ZBP1: variants seen among roughly 807,000 people sequenced by gnomAD.
ZBP1 encodes Z-DNA binding protein 1.
ZBP1 carries 42 observed loss-of-function variants against 41.1 expected under a neutral mutation model. The ratio of observed to expected loss-of-function variants is 1.02; its 90% CI spans 0.80 to 1.32. The LOEUF (loss-of-function observed/expected upper bound fraction) is 1.32, where lower values mean the gene tolerates loss of function less well. ZBP1 is among the 40% of genes most tolerant of loss of function. The pLI is 0.00. For missense variants in ZBP1, 562 were observed against 549.7 expected (o/e 1.02, Z -0.22); for synonymous variants, 214 against 205.2 (o/e 1.04, Z -0.37).
chr20:57,607,283 C>G, intron 7 of ZBP1: 3 of 1,299,930 alleles, frequency 2.3e-6, no homozygotes, highest in Non-Finnish European at 3.0e-6. Flanking sequence ...GGGTTCAAGA[C>G]TTCAGTGAAG....
In ZBP1 at chr20:57,603,936, C is replaced by T. The variant is rs531691881; in HGVS notation, c.*637G>A. 27 of 170,192 alleles carry T rather than the reference C, an allele frequency of 1.6e-4. No individual in the cohort carries two copies. In the South Asian group the frequency reaches 3.1e-3, roughly 19 times the overall value. The allele number at this position is 170,192 out of a possible 1,614,324, so 10.5% of individuals were successfully genotyped here. On this transcript the variant is annotated 3_prime_UTR_variant, in exon 8 of 8. Transcript: ENST00000371173. This position sits in a 1 kb window ranked among gnomAD's most constrained non-coding sequence, Gnocchi z 4.6. ...AGCCTGGAGTGCAGTGGCGCGATCT[C>T]GGCTCACTGGAAGCTCCACCTCCCG...
chr20:57,608,103 C>A (rs145347124), intron 7 of ZBP1, among the ~76,000 whole-genome samples: 377 of 150,928 alleles, frequency 2.5e-3, no homozygotes, highest in Middle Eastern at 0.014. Context: ...CAGGATGTTG[C>A]AGGGCAAATC....
intron 7 of ZBP1, among the ~76,000 whole-genome samples, chr20:57,605,660 C>T (rs890909457): frequency 9.9e-5 from 15 of 152,162 alleles, no homozygotes; most frequent in Admixed American, 7.9e-4. Context: ...ATGGGCCGGG[C>T]GCCGTGGGTC....
At chr20:57,616,504 A>G (rs932400953) in intron 1 of ZBP1, 36 bp from the exon 2 acceptor site, 2 of 1,606,346 alleles carry the variant, frequency 1.2e-6, no homozygotes, top group South Asian at 1.1e-5. Flanking sequence ...AGGGGAACTG[A>G]GTCTCCCAGG....
At chr20:57,607,368 G>T in intron 7 of ZBP1, 5 of 1,229,192 alleles carry the variant, frequency 4.1e-6, no homozygotes, top group Non-Finnish European at 5.2e-6. Context: ...GGACTGAATT[G>T]CTGCAATCTC....
At position 57,607,450 on chromosome 20, in the gene ZBP1, A is replaced by G. The variant is rs114613270; in HGVS notation, c.1094-2681T>C. ...AAAGTGGTTTCTTGAGATGGCATCT[A>G]TTCCTGGTGAAGATACTGCGAACAT... is the stretch of plus-strand genomic sequence containing the variant. On this transcript the variant is annotated intron_variant, in intron 7 of 7. Coordinates refer to ENST00000371173, the MANE Select transcript of ZBP1 (RefSeq NM_030776.3). 1,051 of 1,074,204 alleles carry G rather than the reference A, an allele frequency of 9.8e-4. 8 individuals carry two copies. In the African/African-American group the frequency reaches 0.015, roughly 15 times the overall value. The allele number at this position is 1,074,204 out of a possible 1,614,324, so 66.5% of individuals were successfully genotyped here. A position where few individuals can be genotyped will look rare whatever the true frequency, so the allele number is the denominator to read the frequency against.
rs61749015 is a variant in ZBP1 at position 57,610,185 on chromosome 20, C to T, written c.1057G>A (p.Ala353Thr). 1.8e-3 allele frequency: 2,837 copies of T among 1,614,114 alleles called. 53 individuals are homozygous for T. The African/African-American group carries it at 0.033, about 19-fold the overall frequency. The change falls in exon 7 of 8, where the codon GCA (alanine) becomes ACA (threonine). Residue 353 changes from alanine to threonine, a missense_variant. Transcript: ENST00000371173. The surrounding 1 kb of genome is among the most constrained non-coding windows in gnomAD (Gnocchi z 5.5). Reference protein sequence around the residue: ...SPGVAGPGGVAGSGEGEPGED... With the variant: ...SPGVAGPGGVTGSGEGEPGED... ...CCTGGCTCCCCCTCTCCAGACCCTG[C>T]GACTCCTCCTGGGCCAGCCACCCCT... is the stretch of plus-strand genomic sequence containing the variant.
chr20:57,608,331 C>G (rs1007088846), intron 7 of ZBP1, among the ~76,000 whole-genome samples: 3 of 152,172 alleles, frequency 2.0e-5, no homozygotes, highest in African/African-American at 7.2e-5. Context: ...ACCGTGTTAG[C>G]CAGGATGGTC....
In ZBP1 at chr20:57,610,475, C is replaced by T. The variant is rs2070631394; in HGVS notation, c.875-108G>A. ...TCCTCCCCAGATCTCCCACCAGTGG[C>T]CCACACCATCCCAGGAGCACAGCCT... On this transcript the variant is annotated intron_variant, in intron 6 of 7. Transcript: ENST00000371173. The surrounding 1 kb of genome is among the most constrained non-coding windows in gnomAD (Gnocchi z 5.5). 4 of 1,137,496 alleles carry T rather than the reference C, an allele frequency of 3.5e-6. No homozygotes were observed. Among genetic ancestry groups the T allele is most frequent in the Admixed American group, 2.0e-5 (1 of 50,874 alleles). 70.5% of individuals were successfully genotyped at this position (1,137,496 alleles called of 1,614,324 possible). A position where few individuals can be genotyped will look rare whatever the true frequency, so the allele number is the denominator to read the frequency against.
intron 3 of ZBP1, 102 bp downstream of exon 3, chr20:57,615,410 C>CCCA: frequency 7.8e-7 from 1 of 1,275,878 alleles, no homozygotes; most frequent in East Asian, 2.3e-5. Context: ...TGGGACAGGG[C>CCCA]CCCTGAACAC....
chr20:57,616,645 C>T (rs2070842044), intron 1 of ZBP1, 177 bp from the exon 2 acceptor site: 3 of 641,016 alleles, frequency 4.7e-6, no homozygotes, highest in African/African-American at 3.7e-5. Context: ...GCTGCATCTG[C>T]CCAGAGGGAG....
intron 3 of ZBP1, 86 bp downstream of exon 3, chr20:57,615,426 A>G: frequency 7.0e-7 from 1 of 1,435,026 alleles, no homozygotes; most frequent in Non-Finnish European, 9.8e-7. Flanking sequence ...AACACTGGTG[A>G]GATCTTGTAC....
chr20:57,616,814 C>T (rs563864500), intron 1 of ZBP1: 109 of 301,608 alleles, frequency 3.6e-4, no homozygotes, highest in African/African-American at 1.5e-3. Context: ...GGCAGAAGGA[C>T]GGAGCCAGAG....
chr20:57,606,210 A>G (rs2070493122), intron 7 of ZBP1, among the ~76,000 whole-genome samples: 1 of 152,248 alleles, frequency 6.6e-6, no homozygotes, highest in South Asian at 2.1e-4. Context: ...GTGTGGAGAA[A>G]GTTTTAGTGG....
At chr20:57,615,442 A>G (rs573185952) in intron 3 of ZBP1, 70 bp downstream of exon 3, 10 of 1,536,006 alleles carry the variant, frequency 6.5e-6, no homozygotes, top group South Asian at 5.6e-5. Flanking sequence ...TGTACCCTCA[A>G]GGAGGGCCTG....
At position 57,616,349 on chromosome 20, in the gene ZBP1, T is replaced by C. The variant is rs768755972; in HGVS notation, c.154A>G (p.Met52Val). The change falls in exon 2 of 8, where the codon ATG becomes GTG. Residue 52 changes from methionine to valine, a missense_variant. By Grantham distance (21) the Met-to-Val change is conservative. Transcript: ENST00000371173. ...KRELNQVLYR[M>V]KKELKVSLTS... The stretch of plus-strand genomic sequence containing the variant: ...AGGGAGACTTTCAACTCCTTTTTCA[T>C]TCGGTAGAGGACTTGGTTGAGCTCC... The C allele has an allele frequency of 1.9e-6, 3 of 1,614,180 alleles. No individual in the cohort carries two copies. The East Asian group carries it at 6.7e-5, about 36-fold the overall frequency.
chr20:57,610,431 C>T lies in ZBP1; in HGVS notation c.875-64G>A. On this transcript the variant is annotated intron_variant, in intron 6 of 7. Transcript: ENST00000371173. This position sits in a 1 kb window ranked among gnomAD's most constrained non-coding sequence, Gnocchi z 5.5. ...GCTGGACAGTGGCCGGGAACCCTGA[C>T]CCCCAGCCTGGTTCACCCTCCTCCC... 6.4e-7 allele frequency: 1 copy of T among 1,566,138 alleles called. No homozygotes were observed. Among genetic ancestry groups the T allele is most frequent in the Non-Finnish European group, 8.8e-7 (1 of 1,140,294 alleles).
chr20:57,611,339 G>A (rs544374874), intron 6 of ZBP1, among the ~76,000 whole-genome samples: 4 of 151,276 alleles, frequency 2.6e-5, no homozygotes, highest in Non-Finnish European at 4.4e-5. Flanking sequence ...CTGCCTCCCA[G>A]GTTCAAGCAA....
intron 5 of ZBP1, chr20:57,612,795 G>A (rs918429717): frequency 1.6e-5 from 10 of 639,328 alleles, no homozygotes; most frequent in African/African-American, 3.8e-5. Context: ...GTAGCATTCC[G>A]CGGAGGGAAA....
Sources: gnomAD v4.1 joint callset for allele counts (sites outside exome capture counted in the v4.1 genomes callset) on GRCh38, gnomAD v4.1.1 for gene constraint, Gnocchi (gnomAD v3.1) non-coding constraint, MANE v1.5 for transcripts, NCBI Gene and HGNC (gene_info 2026-07-23, HGNC 2026-07-21) for gene names.